GTF2E2: variants seen among roughly 807,000 people sequenced by gnomAD.
GTF2E2 encodes the protein general transcription factor IIE subunit 2, also known as transcription initiation factor IIE subunit beta.
In GTF2E2, 21 loss-of-function variants were observed where a neutral mutation model predicts 40.5. The observed-to-expected ratio is 0.52, with a 90% CI of 0.37 to 0.75. The LOEUF is 0.75. Ranked by LOEUF, GTF2E2 falls within the 30% of genes least tolerant of loss-of-function variation. The pLI is 0.00. For synonymous variants in GTF2E2, 117 were observed against 121.6 expected (o/e 0.96, Z 0.25); for missense variants, 298 against 338.4 (o/e 0.88, Z 0.94).
intron 3 of GTF2E2, among the ~76,000 whole-genome samples, chr8:30,627,077 T>C (rs566921594): frequency 1.3e-5 from 2 of 152,254 alleles, no homozygotes; most frequent in Admixed American, 6.5e-5. Flanking sequence ...TGCCAGCATG[T>C]TAAATGACAG....
intron 6 of GTF2E2, among the ~76,000 whole-genome samples, chr8:30,606,063 T>A (rs1425014083): frequency 1.3e-5 from 2 of 152,216 alleles, no homozygotes; most frequent in Non-Finnish European, 2.9e-5. Context: ...AGTACTGAAG[T>A]CTTTGTTCAA....
chr8:30,644,559 A>G (rs1335540106), intron 2 of GTF2E2: 3 of 152,156 alleles, frequency 2.0e-5, no homozygotes, highest in African/African-American at 7.2e-5. Flanking sequence ...ACAGAAATAC[A>G]CTGAACCAAA....
At chr8:30,593,820 G>A (rs1028695202) in intron 6 of GTF2E2, among the ~76,000 whole-genome samples, 2 of 152,154 alleles carry the variant, frequency 1.3e-5, no homozygotes, top group African/African-American at 4.8e-5. Flanking sequence ...TCCTGGCTCT[G>A]AAATCTACTC....
chr8:30,639,695 T>C (rs1331164479), intron 2 of GTF2E2, among the ~76,000 whole-genome samples: 3 of 152,170 alleles, frequency 2.0e-5, no homozygotes, highest in South Asian at 4.1e-4. Context: ...CTATATACTA[T>C]ATCGGACCTA....
intron 3 of GTF2E2, among the ~76,000 whole-genome samples, chr8:30,634,273 C>T (rs1230919585): frequency 6.6e-6 from 1 of 152,094 alleles, no homozygotes. Flanking sequence ...CACAGTGAGA[C>T]TTCGTCTCTT....
rs1802503685 is a variant in GTF2E2, at chr8:30,658,125, G to T, written c.-157C>A. 1 of 184,354 alleles carries T rather than the reference G, an allele frequency of 5.4e-6. No homozygotes were observed. The highest frequency in any genetic ancestry group is 1.1e-5 in the Non-Finnish European group (1 of 90,384). 11.4% of individuals were successfully genotyped at this position (184,354 alleles called of 1,614,324 possible). On this transcript the variant is annotated 5_prime_UTR_variant, in exon 1 of 8. Coordinates refer to ENST00000355904, the MANE Select transcript of GTF2E2 (RefSeq NM_002095.6). ...CGCCCAGCGCTGACCCGCCAGGTCG[G>T]GGTCTCACCACTGGCGGTGGCGGCG...
intron 6 of GTF2E2, among the ~76,000 whole-genome samples, chr8:30,600,474 A>G (rs1342976710): frequency 1.3e-5 from 2 of 152,190 alleles, no homozygotes; most frequent in Non-Finnish European, 2.9e-5. Flanking sequence ...ATGAGGTAAC[A>G]ATACTATTAT....
At chr8:30,630,361 T>C (rs1563498453) in intron 3 of GTF2E2, among the ~76,000 whole-genome samples, 1 of 152,228 alleles carries the variant, frequency 6.6e-6, no homozygotes. Context: ...GACTATCTGC[T>C]ATAAATCTCA....
rs1800983184 is a variant in GTF2E2, at chr8:30,618,270, G to GGGCAACAGAT, written c.259-3556_259-3555insATCTGTTGCC. On this transcript the variant is annotated intron_variant, in intron 3 of 7. Coordinates refer to ENST00000355904, the MANE Select transcript of GTF2E2 (RefSeq NM_002095.6). ...CGAGGTTGCACTATTGCACTCCAGC[G>GGGCAACAGAT]CAACACTCTGTCTCGGGGGGCGGGG... Among the ~76,000 whole-genome samples the GGGCAACAGAT allele has an allele frequency of 1.1e-3, 6 of 5,684 alleles. No individual in the cohort carries two copies. In the African/African-American group the frequency reaches 0.036, roughly 34 times the overall value. 3.7% of individuals were successfully genotyped at this position (5,684 alleles called of 152,430 possible).
At chr8:30,651,615 A>G (rs1294949139) in intron 2 of GTF2E2, among the ~76,000 whole-genome samples, 1 of 152,182 alleles carries the variant, frequency 6.6e-6, no homozygotes, top group Non-Finnish European at 1.5e-5. Context: ...AAAGCCATCT[A>G]TTCATTGACT....
intron 4 of GTF2E2, 38 bp from the exon 5 acceptor site, chr8:30,612,519 G>A: frequency 8.2e-7 from 1 of 1,216,472 alleles, no homozygotes; most frequent in Non-Finnish European, 1.2e-6. Flanking sequence ...TTAACAAATG[G>A]AACATAAATA....
chr8:30,651,809 TCA>T (rs1802287494), intron 2 of GTF2E2, among the ~76,000 whole-genome samples: 1 of 152,238 alleles, frequency 6.6e-6, no homozygotes, highest in South Asian at 2.1e-4. Flanking sequence ...CTTACATTTC[TCA>T]GTCTCAAACC....
intron 2 of GTF2E2, chr8:30,637,407 T>G (rs971420977): frequency 2.5e-6 from 1 of 402,186 alleles, no homozygotes; most frequent in African/African-American, 2.1e-5. Flanking sequence ...ATGTCAAGCT[T>G]AGTAAACACT....
At chr8:30,607,274 C>CACCACCA in intron 5 of GTF2E2, 124 bp from the exon 6 acceptor site, 3 of 460,426 alleles carry the variant, frequency 6.5e-6, no homozygotes, top group Non-Finnish European at 1.2e-5. Context: ...CCATAGGGTC[C>CACCACCA]TCCACCATAG....
chr8:30,638,418 A>G (rs1466097409), intron 2 of GTF2E2, among the ~76,000 whole-genome samples: 2 of 152,222 alleles, frequency 1.3e-5, no homozygotes, highest in Non-Finnish European at 2.9e-5. Context: ...GAACAAAAAA[A>G]TAAAGGAGAA....
chr8:30,587,585 A>G (rs1828718559), intron 6 of GTF2E2, among the ~76,000 whole-genome samples: 1 of 151,906 alleles, frequency 6.6e-6, no homozygotes, highest in Admixed American at 6.5e-5. Context: ...GAAGATATAC[A>G]AATGAGGCCA....
intron 2 of GTF2E2, among the ~76,000 whole-genome samples, chr8:30,643,078 C>A (rs1801908767): frequency 6.6e-6 from 1 of 152,056 alleles, no homozygotes; most frequent in Admixed American, 6.6e-5. Flanking sequence ...ACTTACCAAG[C>A]AAACCTAAGA....
At chr8:30,624,125 T>C (rs1256701492) in intron 3 of GTF2E2, among the ~76,000 whole-genome samples, 2 of 152,154 alleles carry the variant, frequency 1.3e-5, no homozygotes, top group Non-Finnish European at 2.9e-5. Flanking sequence ...GGTTTTCTTC[T>C]AGGGTTTTTA....
At chr8:30,645,567 C>T in intron 2 of GTF2E2, 1 of 1,535,540 alleles carries the variant, frequency 6.5e-7, no homozygotes, top group East Asian at 2.4e-5. Flanking sequence ...TGATGGACAA[C>T]ATCAGAAAAC....
Sources: gnomAD v4.1 joint callset for allele counts (sites outside exome capture counted in the v4.1 genomes callset) on GRCh38, gnomAD v4.1.1 for gene constraint, MANE v1.5 for transcripts, NCBI Gene and HGNC (gene_info 2026-07-23, HGNC 2026-07-21) for gene names.